The following CTBP2 variants were observed in gnomAD, a reference collection of about 807,000 sequenced individuals.
CTBP2 encodes the protein C-terminal-binding protein 2.
Under a neutral mutation model 80.3 loss-of-function variants are expected in CTBP2, and 30 were observed. That is an observed-to-expected ratio of 0.37 (90% CI 0.28 to 0.51). CTBP2 has a LOEUF of 0.51. Ranked by LOEUF, CTBP2 falls within the 20% of genes least tolerant of loss-of-function variation. CTBP2 has a pLI of 0.93. For synonymous variants in CTBP2, 594 were observed against 587.4 expected, an observed-to-expected ratio of 1.01 and a Z score of -0.16; for missense variants, 1,212 against 1,375.3, an observed-to-expected ratio of 0.88 and a Z score of 1.88.
At chr10:125,147,582 C>T (rs1387212249) in intron 1 of CTBP2, among the ~76,000 whole-genome samples, 1 of 152,094 alleles carries the variant, frequency 6.6e-6, no homozygotes, top group Non-Finnish European at 1.5e-5. Flanking sequence ...CCACAGGGCA[C>T]GACATCTTCC....
chr10:125,145,904 T>A (rs1858686004), intron 1 of CTBP2, among the ~76,000 whole-genome samples: 2 of 152,110 alleles, frequency 1.3e-5, no homozygotes, highest in African/African-American at 4.8e-5. Flanking sequence ...AGGACCATTT[T>A]GCTTTTCCAA....
At position 124,988,473 on chromosome 10, in the gene CTBP2, T is replaced by TCCC. The variant is rs1952153292; in HGVS notation, c.*1044_*1045insGGG. On this transcript the variant is annotated 3_prime_UTR_variant, in exon 9 of 9. Coordinates refer to ENST00000309035, the MANE Select transcript of CTBP2 (RefSeq NM_022802.3). Reference sequence around the variant, plus strand: ...ATTATTTTTCTGTTTGGGACAATTTTAAAGTTTTTCTTTTGTCACAAAAAC... The same window carrying TCCC: ...ATTATTTTTCTGTTTGGGACAATTTTCCCAAAGTTTTTCTTTTGTCACAAAAAC... 6.5e-6 allele frequency: 1 copy of TCCC among 152,676 alleles called. No individual in the cohort carries two copies. The highest frequency in any genetic ancestry group is 1.5e-5 in the Non-Finnish European group (1 of 68,040). The allele number at this position is 152,676 out of a possible 1,614,324, so 9.5% of individuals were successfully genotyped here. A position where few individuals can be genotyped will look rare whatever the true frequency, so the allele number is the denominator to read the frequency against.
At chr10:124,992,128 A>G (rs1952726454) in intron 8 of CTBP2, among the ~76,000 whole-genome samples, 1 of 150,800 alleles carries the variant, frequency 6.6e-6, no homozygotes, top group South Asian at 2.1e-4. Flanking sequence ...TGGACATAAG[A>G]TTCAAATTGG....
At chr10:125,049,470 C>T (rs1013297075) in intron 2 of CTBP2, among the ~76,000 whole-genome samples, 1 of 152,228 alleles carries the variant, frequency 6.6e-6, no homozygotes, top group Non-Finnish European at 1.5e-5. Context: ...CGCCTCTCCA[C>T]CTTCTCTTCA....
At chr10:125,094,362 C>T (rs1431210767) in intron 2 of CTBP2, among the ~76,000 whole-genome samples, 1 of 152,136 alleles carries the variant, frequency 6.6e-6, no homozygotes, top group Non-Finnish European at 1.5e-5. Context: ...AGGCATGTGG[C>T]GACGGCTCAG....
At chr10:125,081,948 C>T (rs1485808576) in intron 2 of CTBP2, among the ~76,000 whole-genome samples, 1 of 152,046 alleles carries the variant, frequency 6.6e-6, no homozygotes, top group Non-Finnish European at 1.5e-5. Context: ...TGTCTCTACC[C>T]AGGCTCAAGT....
At chr10:125,140,987 A>G (rs868656333) in intron 1 of CTBP2, among the ~76,000 whole-genome samples, 14 of 151,802 alleles carry the variant, frequency 9.2e-5, no homozygotes, top group African/African-American at 3.4e-4. Flanking sequence ...TAAAAATACA[A>G]AAATTAGCCA....
chr10:125,084,912 G>A (rs899808808), intron 2 of CTBP2, among the ~76,000 whole-genome samples: 7 of 152,268 alleles, frequency 4.6e-5, no homozygotes, highest in East Asian at 3.9e-4. Flanking sequence ...CATGAGTTCC[G>A]CCGTCGCCAC....
At chr10:125,086,162 T>A (rs1163370993) in intron 2 of CTBP2, among the ~76,000 whole-genome samples, 2 of 152,136 alleles carry the variant, frequency 1.3e-5, no homozygotes, top group Admixed American at 1.3e-4. Flanking sequence ...GGTGGTGGTA[T>A]TAGAGGGTGA....
chr10:125,007,596 T>C (rs1955407210), intron 1 of CTBP2, among the ~76,000 whole-genome samples: 1 of 152,222 alleles, frequency 6.6e-6, no homozygotes, highest in South Asian at 2.1e-4. Context: ...TGCTGCTTTC[T>C]CGGATACAGG....
chr10:125,079,761 C>T (rs1002287286), intron 2 of CTBP2, among the ~76,000 whole-genome samples: 1 of 152,198 alleles, frequency 6.6e-6, no homozygotes, highest in African/African-American at 2.4e-5. Flanking sequence ...CAGTTCCACG[C>T]TTAGGACAAG....
At position 125,142,130 on chromosome 10, in the gene CTBP2, G is replaced by A. The variant is rs184521713; in HGVS notation, c.-206+18189C>T. Among the ~76,000 whole-genome samples the A allele has an allele frequency of 3.7e-4, 56 of 152,320 alleles. No individual in the cohort carries two copies. The South Asian group carries it at 3.9e-3, about 11-fold the overall frequency. The stretch of plus-strand genomic sequence containing the variant: ...CCCACTCTTGGGTTTGCAGGGGACG[G>A]GGGCGGTTTGCCTACTTTGCGGAGG... On this transcript the variant is annotated intron_variant, in intron 1 of 10. Coordinates refer to the CTBP2 transcript ENST00000337195.
At chr10:125,005,683 T>C in intron 1 of CTBP2, 1 of 1,612,914 alleles carries the variant, frequency 6.2e-7, no homozygotes, top group Non-Finnish European at 8.5e-7. Flanking sequence ...TGGGCTCCTG[T>C]TTTCTGCTAA....
At chr10:125,067,105 A>G (rs1401477699) in intron 2 of CTBP2, among the ~76,000 whole-genome samples, 2 of 152,158 alleles carry the variant, frequency 1.3e-5, no homozygotes, top group Non-Finnish European at 2.9e-5. Context: ...TTTTTCTTTC[A>G]AGAATTTTTT....
chr10:125,072,520 G>C (rs928864239), intron 2 of CTBP2, among the ~76,000 whole-genome samples: 3 of 151,026 alleles, frequency 2.0e-5, no homozygotes, highest in Non-Finnish European at 4.4e-5. Flanking sequence ...GGAGACTGAG[G>C]CAAGAGAATT....
chr10:125,018,747 G>A (rs144353762), intron 1 of CTBP2, among the ~76,000 whole-genome samples: 186 of 152,320 alleles, frequency 1.2e-3, no homozygotes, highest in Non-Finnish European at 2.0e-3. Flanking sequence ...CGGAGGCACC[G>A]TGTTCATATC....
At chr10:125,025,030 T>C (rs921492818) in intron 1 of CTBP2, among the ~76,000 whole-genome samples, 1 of 152,068 alleles carries the variant, frequency 6.6e-6, no homozygotes, top group Non-Finnish European at 1.5e-5. Context: ...AAACTTAAGG[T>C]GGTCTCTGCA....
In CTBP2 at chr10:125,027,749, G is replaced by A. The variant is rs753969296; in HGVS notation, c.11C>T (p.Pro4Leu). The change falls in exon 1 of 9, where the codon CCC becomes CTC. Residue 4 changes from proline to leucine, a missense_variant. Around this residue, in one of 3 missense-constraint regions of CTBP2, gnomAD observed 848 missense variants for 782.3 expected, o/e 1.08. Transcript: ENST00000309035. ...ACGACCAATATTTATATGCCTGCTGGGAACTGGCATTGGAAAAAAAATGAC... is the reference window on the plus strand; with the variant it reads ...ACGACCAATATTTATATGCCTGCTGAGAACTGGCATTGGAAAAAAAATGAC... 21 of 1,583,072 alleles carry A rather than the reference G, an allele frequency of 1.3e-5. No individual in the cohort carries two copies. Among genetic ancestry groups the A allele is most frequent in the Non-Finnish European group, 1.8e-5 (21 of 1,162,074 alleles).
chr10:125,031,725 A>T (rs1958240019), upstream of CTBP2, among the ~76,000 whole-genome samples: 1 of 152,196 alleles, frequency 6.6e-6, no homozygotes. Flanking sequence ...ACATCGTTTC[A>T]GGTATCAAAG....
Sources: allele counts gnomAD v4.1 joint callset (sites outside exome capture counted in the v4.1 genomes callset), GRCh38; gene constraint gnomAD v4.1.1; regional missense constraint gnomAD v4.1.1; transcripts MANE v1.5; gene names NCBI Gene and HGNC (gene_info 2026-07-23, HGNC 2026-07-21).